The following TRAPPC11 variants were observed in gnomAD, a reference collection of about 807,000 sequenced individuals.
The protein encoded by TRAPPC11 is trafficking protein particle complex subunit 11.
TRAPPC11 carries 104 observed loss-of-function variants against 151.2 expected under a neutral mutation model. That is an observed-to-expected ratio of 0.69 (90% CI 0.59 to 0.81). The LOEUF is 0.81. Among genes scored for constraint, TRAPPC11 ranks in the 30% least tolerant of loss-of-function variants. The probability of loss-of-function intolerance (pLI) is 0.00; values close to 1 mark genes in which losing one functional copy is unlikely to be tolerated. For missense variants in TRAPPC11, 1,230 were observed against 1,349.6 expected, an observed-to-expected ratio of 0.91 and a Z score of 1.39; for synonymous variants, 456 against 472.3, an observed-to-expected ratio of 0.97 and a Z score of 0.45.
At chr4:183,704,004 T>G (rs1736925497) in intron 26 of TRAPPC11, among the ~76,000 whole-genome samples, 1 of 152,192 alleles carries the variant, frequency 6.6e-6, no homozygotes. Flanking sequence ...GTTAAGGAAT[T>G]TATGTCATGA....
intron 21 of TRAPPC11, 28 bp downstream of exon 21, chr4:183,693,765 CA>C: frequency 6.2e-7 from 1 of 1,610,318 alleles, no homozygotes; most frequent in Non-Finnish European, 8.5e-7. Flanking sequence ...TAAGTTTGAT[CA>C]GTATTAATCC....
At chr4:183,703,839 A>G (rs1736915317) in intron 26 of TRAPPC11, among the ~76,000 whole-genome samples, 1 of 152,226 alleles carries the variant, frequency 6.6e-6, no homozygotes, top group Non-Finnish European at 1.5e-5. Flanking sequence ...TAACAGTTTC[A>G]TAATGTTACT....
chr4:183,696,040 C>A (rs1339896578), intron 23 of TRAPPC11, among the ~76,000 whole-genome samples: 1 of 152,166 alleles, frequency 6.6e-6, no homozygotes, highest in African/African-American at 2.4e-5. Context: ...GTTCCAAAAT[C>A]TTTTGGAAAC....
intron 3 of TRAPPC11, among the ~76,000 whole-genome samples, 163 bp downstream of exon 3, chr4:183,666,589 CTG>C (rs1401306599): frequency 6.6e-6 from 1 of 152,222 alleles, no homozygotes. Flanking sequence ...TAATTATTGA[CTG>C]TATATAATGC....
rs905214180 is a variant in TRAPPC11 at position 183,691,308 on chromosome 4, T to C, written c.1894-8T>C. ...TGACATTTGATGACCCCTGTTCACC[T>C]TTTTCAGGAATACAACCAGTTCTGT... On this transcript the variant is annotated splice_polypyrimidine_tract_variant and splice_region_variant and intron_variant, in intron 18 of 29. Coordinates refer to ENST00000334690, the MANE Select transcript of TRAPPC11 (RefSeq NM_021942.6). The C allele has an allele frequency of 1.4e-6, 2 of 1,473,340 alleles. No individual in the cohort carries two copies. Among genetic ancestry groups the C allele is most frequent in the Admixed American group, 1.9e-5 (1 of 51,952 alleles). 91.3% of individuals were successfully genotyped at this position (1,473,340 alleles called of 1,614,324 possible).
chr4:183,687,697 A>G (rs1042627059), intron 18 of TRAPPC11, among the ~76,000 whole-genome samples: 1 of 152,190 alleles, frequency 6.6e-6, no homozygotes, highest in Non-Finnish European at 1.5e-5. Flanking sequence ...GAATTAAAAA[A>G]ACATTTGGTT....
At chr4:183,665,241 C>T (rs933546605) in intron 2 of TRAPPC11, among the ~76,000 whole-genome samples, 7 of 151,760 alleles carry the variant, frequency 4.6e-5, no homozygotes, top group South Asian at 2.1e-4. Context: ...ACTACAGGCG[C>T]CCGCCACCAC....
chr4:183,679,537 T>G (rs1407874876), intron 9 of TRAPPC11, 51 bp downstream of exon 9: 1 of 1,482,062 alleles, frequency 6.7e-7, no homozygotes, highest in African/African-American at 1.4e-5. Context: ...TACATAGTAT[T>G]TGGAGAAATA....
intron 22 of TRAPPC11, 46 bp downstream of exon 22, chr4:183,694,084 A>G (rs1225665413): frequency 2.5e-6 from 4 of 1,598,954 alleles, no homozygotes; most frequent in East Asian, 4.5e-5. Flanking sequence ...ATTAGTTTGT[A>G]GTTTTAAATA....
chr4:183,712,896 T>C lies in TRAPPC11; in HGVS notation c.*252T>C, dbSNP rs1160386531. The C allele has an allele frequency of 6.1e-5, 27 of 444,736 alleles. No homozygotes were observed. Among genetic ancestry groups the C allele is most frequent in the Non-Finnish European group, 8.7e-5 (22 of 253,390 alleles). The allele number at this position is 444,736 out of a possible 1,614,324, so 27.5% of individuals were successfully genotyped here. A position where few individuals can be genotyped will look rare whatever the true frequency, so the allele number is the denominator to read the frequency against. On this transcript the variant is annotated 3_prime_UTR_variant, in exon 30 of 30. Coordinates refer to ENST00000334690, the MANE Select transcript of TRAPPC11 (RefSeq NM_021942.6). ...GTCAGACCATTGTTATTGTTGAAAG[T>C]CATTTGATGAATGGTAAATTCTATG... is the stretch of plus-strand genomic sequence containing the variant.
intron 18 of TRAPPC11, among the ~76,000 whole-genome samples, chr4:183,689,722 T>G (rs1381768927): frequency 6.6e-6 from 1 of 151,192 alleles, no homozygotes; most frequent in Admixed American, 6.6e-5. Context: ...ACTCCTGGGC[T>G]CAAGTGAAGT....
chr4:183,693,829 G>C, intron 21 of TRAPPC11, 88 bp from the exon 22 acceptor site: 1 of 1,594,314 alleles, frequency 6.3e-7, no homozygotes, highest in Admixed American at 1.7e-5. Flanking sequence ...TTTACAAGAG[G>C]GTATGGCATA....
intron 25 of TRAPPC11, among the ~76,000 whole-genome samples, chr4:183,700,653 A>G (rs1736756625): frequency 6.6e-6 from 1 of 152,182 alleles, no homozygotes; most frequent in Non-Finnish European, 1.5e-5. Flanking sequence ...CATGTGAGGC[A>G]ATAGTGAGGC....
intron 5 of TRAPPC11, among the ~76,000 whole-genome samples, chr4:183,668,741 A>G (rs1244016173): frequency 1.3e-5 from 2 of 152,246 alleles, no homozygotes; most frequent in South Asian, 2.1e-4. Context: ...CTGGAGACAC[A>G]ACATTACCTC....
In TRAPPC11 at chr4:183,709,945, G is replaced by A. The variant is rs367749657; in HGVS notation, c.3357+1371G>A. Among the ~76,000 whole-genome samples, 366 of 152,262 alleles carry A rather than the reference G, an allele frequency of 2.4e-3. 1 individual carries two copies. Among genetic ancestry groups the A allele is most frequent in the African/African-American group, 8.3e-3 (347 of 41,558 alleles). On this transcript the variant is annotated intron_variant, in intron 29 of 29. Transcript: ENST00000334690. Reference sequence around the variant, plus strand: ...GGGGACGAGTCTCATGACTGGGTGGGGGAACAGAGGGGAACAGGTGGCCTC... The same window carrying A: ...GGGGACGAGTCTCATGACTGGGTGGAGGAACAGAGGGGAACAGGTGGCCTC...
chr4:183,697,710 TC>T lies in TRAPPC11; in HGVS notation c.2730del (p.Leu912CysfsTer2). The T allele has an allele frequency of 3.7e-6, 6 of 1,614,174 alleles. No homozygotes were observed. The highest frequency in any genetic ancestry group is 5.1e-6 in the Non-Finnish European group (6 of 1,180,030). ...FEHLERVYAD[I>X]PFLLMTDLLS... The stretch of plus-strand genomic sequence containing the variant: ...CACCTGGAAAGGGTTTATGCTGACA[TC>T]CCCTTTCTGTTGATGACGGACCTCT... On this transcript the variant is annotated frameshift_variant, in exon 25 of 30. Transcript: ENST00000334690. LOFTEE classifies it high-confidence loss of function.
chr4:183,682,926 A>C, intron 11 of TRAPPC11, 101 bp downstream of exon 11: 1 of 789,290 alleles, frequency 1.3e-6, no homozygotes, highest in East Asian at 2.5e-5. Context: ...AATTATGTTG[A>C]AGTAAAAATG....
At position 183,674,276 on chromosome 4, in the gene TRAPPC11, G is replaced by C. The variant is rs1735298369; in HGVS notation, c.561-437G>C. ...AAACTAAAAATATAAAAATTAGCTA[G>C]GCATGGTGGCACATGCCTATAGTCC... is the stretch of plus-strand genomic sequence containing the variant. On this transcript the variant is annotated intron_variant, in intron 5 of 29. Coordinates refer to ENST00000334690, the MANE Select transcript of TRAPPC11 (RefSeq NM_021942.6). Among the ~76,000 whole-genome samples, 5 of 151,914 alleles carry C rather than the reference G, an allele frequency of 3.3e-5. No homozygotes were observed. The South Asian group carries it at 1.0e-3, about 31-fold the overall frequency.
At chr4:183,687,301 A>G (rs77936797) in intron 18 of TRAPPC11, among the ~76,000 whole-genome samples, 11 of 328 alleles carry the variant, frequency 0.034, no homozygotes, top group Non-Finnish European at 0.04. Flanking sequence ...GTGTGTGTGT[A>G]TATATATATA....
Sources: gnomAD v4.1 joint callset for allele counts (sites outside exome capture counted in the v4.1 genomes callset) on GRCh38, gnomAD v4.1.1 for gene constraint, MANE v1.5 for transcripts, NCBI Gene and HGNC (gene_info 2026-07-23, HGNC 2026-07-21) for gene names.